Variants in ZNF530 observed in about 807,000 individuals in gnomAD.
The protein encoded by ZNF530 is zinc finger protein 530.
A neutral mutation model predicts 2.8 loss-of-function variants in ZNF530; 5 were observed. The observed-to-expected ratio is 1.80, with a 90% CI of 0.94 to 3.78. The LOEUF is 3.78. Among genes scored for constraint, ZNF530 ranks in the 30% most tolerant of loss-of-function variants. ZNF530 has a pLI of 0.00. For missense variants in ZNF530, 619 were observed against 673.3 expected (o/e 0.92, Z 0.89); for synonymous variants, 229 against 235.0 (o/e 0.97, Z 0.23).
At chr19:57,601,391 T>TA (rs917648136) in intron 2 of ZNF530, among the ~76,000 whole-genome samples, 1 of 152,096 alleles carries the variant, frequency 6.6e-6, no homozygotes, top group African/African-American at 2.4e-5. Context: ...GACTGAGAGA[T>TA]AAGAAGGGGT....
Position 57,607,351 on chromosome 19 carries a change from T to C in ZNF530, c.*26T>C, listed in dbSNP as rs1446490985. 6.8e-7 allele frequency: 1 copy of C among 1,464,954 alleles called. No individual in the cohort carries two copies. The highest frequency in any genetic ancestry group is 9.2e-7 in the Non-Finnish European group (1 of 1,092,550). 90.7% of individuals were successfully genotyped at this position (1,464,954 alleles called of 1,614,324 possible). ...ATGTGGGAAATTATTTTGTCACTTT[T>C]TTTTTTTTTTTTGAGATGGAATTTT... On this transcript the variant is annotated 3_prime_UTR_variant, in exon 4 of 4. Transcript: ENST00000597700.
In ZNF530 at chr19:57,606,464, TCAA is replaced by T. The variant is rs1301797220; in HGVS notation, c.842_844del (p.Gln281del). 1.2e-6 allele frequency: 2 copies of T among 1,608,606 alleles called. No homozygotes were observed. Among genetic ancestry groups the T allele is most frequent in the South Asian group, 2.2e-5 (2 of 90,816 alleles). On this transcript the variant is annotated inframe_deletion, in exon 4 of 4. Transcript: ENST00000597700. ...GCCAGGTATCTGTCCTCATTCAACATCAACGAGTTCACACTGGAGAAAGGCCTT... is the reference window on the plus strand; with the variant it reads ...GCCAGGTATCTGTCCTCATTCAACATCGAGTTCACACTGGAGAAAGGCCTT...
In ZNF530 at chr19:57,608,180, T is replaced by C. The variant is rs1025131106; in HGVS notation, c.*855T>C. 2 of 152,200 alleles carry C rather than the reference T, an allele frequency of 1.3e-5. No individual in the cohort carries two copies. Among genetic ancestry groups the C allele is most frequent in the African/African-American group, 4.8e-5 (2 of 41,452 alleles). 9.4% of individuals were successfully genotyped at this position (152,200 alleles called of 1,614,324 possible). Reference sequence around the variant, plus strand: ...GACATTGTTGATCTCAGGCGATGCTTGTGATGAAGCATTTTTTAGCTTCCA... The same window carrying C: ...GACATTGTTGATCTCAGGCGATGCTCGTGATGAAGCATTTTTTAGCTTCCA... On this transcript the variant is annotated 3_prime_UTR_variant, in exon 4 of 4. Coordinates refer to ENST00000597700, the MANE Select transcript of ZNF530 (RefSeq NM_001321981.2).
chr19:57,604,619 A>G, intron 3 of ZNF530: 1 of 495,782 alleles, frequency 2.0e-6, no homozygotes, highest in Non-Finnish European at 3.5e-6. Context: ...GGTCTGGGAG[A>G]CAGGATCTTT....
chr19:57,604,143 G>C (rs1457473574), intron 2 of ZNF530, 134 bp from the exon 3 acceptor site: 1 of 1,218,692 alleles, frequency 8.2e-7, no homozygotes, highest in Admixed American at 1.9e-5. Context: ...GTAGGCATCA[G>C]TGGCATCAGG....
At chr19:57,610,772 C>T (rs1289465685), downstream of ZNF530, among the ~76,000 whole-genome samples, 1 of 152,186 alleles carries the variant, frequency 6.6e-6, no homozygotes, top group African/African-American at 2.4e-5. Flanking sequence ...TTGCCTGAAT[C>T]AGTAGCCCCC....
chr19:57,604,365 G>A lies in ZNF530; in HGVS notation c.20G>A (p.Arg7His), dbSNP rs115828765. ...GATGAGATGCAGAGGCTCCTGTACC[G>A]CGATGTGATGCTGGAGAACTTTGCA... Reference protein sequence around the residue: MQRLLYRDVMLENFAVM... With the variant: MQRLLYHDVMLENFAVM... Residue 7 changes from arginine (R) to histidine (H), a missense_variant, in exon 3 of 4, where the codon CGC (arginine) becomes CAC (histidine). Coordinates refer to ENST00000597700, the MANE Select transcript of ZNF530 (RefSeq NM_001321981.2). The A allele has an allele frequency of 5.0e-5, 80 of 1,613,992 alleles. No individual in the cohort carries two copies. In the African/African-American group the frequency reaches 6.8e-4, roughly 14 times the overall value.
At position 57,608,342 on chromosome 19, in the gene ZNF530, A is replaced by G. The variant is rs540556784; in HGVS notation, c.*1017A>G. Reference sequence around the variant, plus strand: ...TAGGACTCTGTCAGCTTAAAAGGGTATATAACATTTGTGGGGATTCAAATT... The same window carrying G: ...TAGGACTCTGTCAGCTTAAAAGGGTGTATAACATTTGTGGGGATTCAAATT... On this transcript the variant is annotated 3_prime_UTR_variant, in exon 4 of 4. Coordinates refer to ENST00000597700, the MANE Select transcript of ZNF530 (RefSeq NM_001321981.2). The G allele has an allele frequency of 2.0e-5, 3 of 152,342 alleles. No homozygotes were observed. Among genetic ancestry groups the G allele is most frequent in the African/African-American group, 4.8e-5 (2 of 41,568 alleles). The allele number at this position is 152,342 out of a possible 1,614,324, so 9.4% of individuals were successfully genotyped here.
In ZNF530 at chr19:57,609,877, A is replaced by G. The variant is rs1980803134; in HGVS notation, c.*2552A>G. ...GTGCGGCTTTTGTGATCCAGTAGCAATCCTCTTAACGCTGATGGAAATGGC... is the reference window on the plus strand; with the variant it reads ...GTGCGGCTTTTGTGATCCAGTAGCAGTCCTCTTAACGCTGATGGAAATGGC... On this transcript the variant is annotated 3_prime_UTR_variant, in exon 4 of 4. Coordinates refer to ENST00000597700, the MANE Select transcript of ZNF530 (RefSeq NM_001321981.2). Among the ~76,000 whole-genome samples, 1 of 151,992 alleles carries G rather than the reference A, an allele frequency of 6.6e-6. No individual in the cohort carries two copies.
At chr19:57,602,240 T>A (rs1026253902) in intron 2 of ZNF530, among the ~76,000 whole-genome samples, 1 of 152,202 alleles carries the variant, frequency 6.6e-6, no homozygotes, top group African/African-American at 2.4e-5. Context: ...GGAGGGAGTA[T>A]GTAAAGAAAG....
intron 1 of ZNF530, among the ~76,000 whole-genome samples, 169 bp downstream of exon 1, chr19:57,600,303 C>T (rs1464249103): frequency 6.6e-6 from 1 of 152,200 alleles, no homozygotes; most frequent in South Asian, 2.1e-4. Context: ...GGTCAGGGGG[C>T]TGCGCGGGCA....
At position 57,606,814 on chromosome 19, in the gene ZNF530, C is replaced by T; in HGVS notation, c.1190C>T (p.Thr397Ile). The change falls in exon 4 of 4, where the codon ACT (threonine) becomes ATT (isoleucine). Residue 397 changes from threonine to isoleucine, a missense_variant. Coordinates refer to ENST00000597700, the MANE Select transcript of ZNF530 (RefSeq NM_001321981.2). The stretch of plus-strand genomic sequence containing the variant: ...CTCATTCAACACCAAAGAGTTCACA[C>T]TGGAGAAAGGCCTTATGAGTGCAGT... ...SVLIQHQRVH[T>I]GERPYECSEC... 2 of 1,614,230 alleles carry T rather than the reference C, an allele frequency of 1.2e-6. No individual in the cohort carries two copies. The highest frequency in any genetic ancestry group is 1.6e-4 in the Middle Eastern group (1 of 6,062).
downstream of ZNF530, chr19:57,612,665 A>T (rs901205359): frequency 5.0e-6 from 2 of 396,112 alleles, no homozygotes; most frequent in Non-Finnish European, 8.9e-6. Context: ...TGTGCAACAC[A>T]GTGAGATCCT....
rs1980636906 is a variant in ZNF530 at position 57,607,346 on chromosome 19, AC to A, written c.*22del. The A allele has an allele frequency of 4.2e-6, 6 of 1,419,532 alleles. No homozygotes were observed. Among genetic ancestry groups the A allele is most frequent in the Non-Finnish European group, 5.5e-6 (6 of 1,100,912 alleles). The allele number at this position is 1,419,532 out of a possible 1,614,324, so 87.9% of individuals were successfully genotyped here. ...AGTGAATGTGGGAAATTATTTTGTCACTTTTTTTTTTTTTTTTGAGATGGAA... is the reference window on the plus strand; with the variant it reads ...AGTGAATGTGGGAAATTATTTTGTCATTTTTTTTTTTTTTTTGAGATGGAA... On this transcript the variant is annotated 3_prime_UTR_variant, in exon 4 of 4. Transcript: ENST00000597700.
In ZNF530 at chr19:57,606,647, T is replaced by A; in HGVS notation, c.1023T>A (p.Thr341=). Residue 341 remains threonine, a synonymous_variant, in exon 4 of 4, where the codon ACT becomes ACA. Coordinates refer to ENST00000597700, the MANE Select transcript of ZNF530 (RefSeq NM_001321981.2). ...TNLFRHWRVH[T]GVRPYECSEC... Reference sequence around the variant, plus strand: ...TCTTTCGACACTGGAGAGTTCACACTGGAGTAAGGCCTTATGAGTGTAGTG... The same window carrying A: ...TCTTTCGACACTGGAGAGTTCACACAGGAGTAAGGCCTTATGAGTGTAGTG... 6.2e-7 allele frequency: 1 copy of A among 1,614,182 alleles called. No individual in the cohort carries two copies. The highest frequency in any genetic ancestry group is 8.5e-7 in the Non-Finnish European group (1 of 1,180,022).
At chr19:57,611,610 C>T (rs1201344713), downstream of ZNF530, among the ~76,000 whole-genome samples, 1 of 152,122 alleles carries the variant, frequency 6.6e-6, no homozygotes, top group Non-Finnish European at 1.5e-5. Flanking sequence ...TGTGCATGCT[C>T]GAAACCTTAT....
chr19:57,603,772 C>T (rs185295594), intron 2 of ZNF530, among the ~76,000 whole-genome samples: 53 of 152,286 alleles, frequency 3.5e-4, no homozygotes, highest in African/African-American at 1.3e-3. Flanking sequence ...CTGGGTAGTC[C>T]TGGAACTTGT....
chr19:57,600,259 T>C (rs1231356242), intron 1 of ZNF530, 125 bp downstream of exon 1: 4 of 1,192,528 alleles, frequency 3.4e-6, no homozygotes, highest in Non-Finnish European at 4.5e-6. Flanking sequence ...GGATCTCGTT[T>C]CTGGTAGTGT....
chr19:57,607,418 C>A lies in ZNF530; in HGVS notation c.*93C>A. ...GGAGTGCAATTGTGCAATCTCAGCT[C>A]ACTGCAACCTCCGCCTCCTGGGATC... On this transcript the variant is annotated 3_prime_UTR_variant, in exon 4 of 4. Coordinates refer to ENST00000597700, the MANE Select transcript of ZNF530 (RefSeq NM_001321981.2). The A allele has an allele frequency of 7.8e-7, 1 of 1,274,078 alleles. No homozygotes were observed. Among genetic ancestry groups the A allele is most frequent in the Non-Finnish European group, 1.1e-6 (1 of 939,490 alleles). The allele number at this position is 1,274,078 out of a possible 1,614,324, so 78.9% of individuals were successfully genotyped here.
Sources: gnomAD v4.1 joint callset for allele counts (sites outside exome capture counted in the v4.1 genomes callset) on GRCh38, gnomAD v4.1.1 for gene constraint, MANE v1.5 for transcripts, NCBI Gene and HGNC (gene_info 2026-07-23, HGNC 2026-07-21) for gene names.